The following MVP variants were observed in gnomAD, a reference collection of about 807,000 sequenced individuals.
The protein encoded by MVP is lung resistance-related protein.
MVP carries 62 observed loss-of-function variants against 83.5 expected under a neutral mutation model. The ratio of observed to expected loss-of-function variants is 0.74; its 90% CI spans 0.61 to 0.92. MVP has a LOEUF of 0.92. Ranked by LOEUF, MVP falls within the 40% of genes least tolerant of loss-of-function variation. The pLI is 0.00. For missense variants in MVP, 1,000 were observed against 1,203.4 expected (o/e 0.83, Z 2.50); for synonymous variants, 505 against 504.1 (o/e 1.00, Z -0.02).
intron 7 of MVP, among the ~76,000 whole-genome samples, chr16:29,837,741 G>A (rs192046184): frequency 1.3e-5 from 2 of 151,704 alleles, no homozygotes; most frequent in East Asian, 3.9e-4. Flanking sequence ...GCGATAGAGT[G>A]AGACTCTCAG....
intron 6 of MVP, among the ~76,000 whole-genome samples, chr16:29,836,002 A>G (rs936809581): frequency 2.0e-5 from 3 of 152,128 alleles, no homozygotes; most frequent in Middle Eastern, 6.3e-3. Flanking sequence ...GCAATGACTC[A>G]CATCTGTAAT....
chr16:29,833,657 C>T (rs2067462246), intron 3 of MVP, 76 bp from the exon 4 acceptor site: 1 of 1,590,822 alleles, frequency 6.3e-7, no homozygotes, highest in Non-Finnish European at 8.6e-7. Flanking sequence ...TGTTGTGGAC[C>T]CGCCTCCAGA....
At chr16:29,835,072 C>T (rs2067475245) in intron 5 of MVP, 2 of 152,024 alleles carry the variant, frequency 1.3e-5, no homozygotes, top group South Asian at 2.1e-4. Flanking sequence ...GGGGTGTGGC[C>T]AGGCAGGGCG....
At chr16:29,822,752 C>T (rs1373350623) in intron 1 of MVP, 1 of 152,256 alleles carries the variant, frequency 6.6e-6, no homozygotes, top group Non-Finnish European at 1.5e-5. Flanking sequence ...GAGTCTCGCT[C>T]TGTCCCCCAG....
intron 3 of MVP, among the ~76,000 whole-genome samples, chr16:29,833,011 G>C (rs1197734369): frequency 6.6e-6 from 1 of 151,738 alleles, no homozygotes; most frequent in Non-Finnish European, 1.5e-5. Flanking sequence ...ATTGCAGTGA[G>C]CTGAGATTGC....
In MVP at chr16:29,840,342, C is replaced by T. The variant is rs751975905; in HGVS notation, c.1074C>T (p.Leu358=). Residue 358 remains leucine (L), a synonymous_variant, in exon 8 of 15, where the codon CTC becomes CTT. Coordinates refer to ENST00000357402, the MANE Select transcript of MVP (RefSeq NM_005115.5). ...KVSHQAGDHW[L]IRGPLEYVPS... ...CACACCAGGCTGGGGACCACTGGCT[C>T]ATCCGCGGACCCCTGGAGTATGTGC... 20 of 1,609,592 alleles carry T rather than the reference C, an allele frequency of 1.2e-5. No individual in the cohort carries two copies. In the East Asian group the frequency reaches 4.2e-4, roughly 34 times the overall value.
intron 3 of MVP, among the ~76,000 whole-genome samples, chr16:29,832,163 G>A (rs945195165): frequency 6.6e-6 from 1 of 152,160 alleles, no homozygotes; most frequent in South Asian, 2.1e-4. Flanking sequence ...GGAACTTTTA[G>A]AGACATTCAT....
At chr16:29,838,855 G>A (rs903451003) in intron 7 of MVP, among the ~76,000 whole-genome samples, 5 of 152,004 alleles carry the variant, frequency 3.3e-5, no homozygotes, top group South Asian at 2.1e-4. Context: ...AATGACATAC[G>A]TGCTACAACA....
At chr16:29,835,502 A>T (rs1474705930) in intron 5 of MVP, 1 of 342,258 alleles carries the variant, frequency 2.9e-6, no homozygotes, top group Non-Finnish European at 5.4e-6. Context: ...AAAAAAAAAA[A>T]AAACTTTTAA....
intron 14 of MVP, 129 bp from the exon 15 acceptor site, chr16:29,847,633 C>A: frequency 1.9e-6 from 2 of 1,039,126 alleles, no homozygotes; most frequent in African/African-American, 1.6e-5. Context: ...CAGGCATTTC[C>A]AAGGCAGTCA....
At chr16:29,847,605 G>A (rs1200140862) in intron 14 of MVP, among the ~76,000 whole-genome samples, 157 bp from the exon 15 acceptor site, 2 of 152,176 alleles carry the variant, frequency 1.3e-5, no homozygotes, top group African/African-American at 2.4e-5. Flanking sequence ...ACAGGAAATG[G>A]ATGGGACGCC....
At chr16:29,833,467 ACT>A (rs2067460472) in intron 3 of MVP, 1 of 272,266 alleles carries the variant, frequency 3.7e-6, no homozygotes, top group Non-Finnish European at 6.4e-6. Flanking sequence ...GCCTGGCTAC[ACT>A]TTTTTTTTTT....
At chr16:29,829,771 G>A (rs989315852) in intron 1 of MVP, 1 of 152,258 alleles carries the variant, frequency 6.6e-6, no homozygotes, top group African/African-American at 2.4e-5. Context: ...GGGGACGAGG[G>A]GGCCAGAGTG....
At chr16:29,846,057 G>GGT (rs1170610000) in intron 12 of MVP, 78 bp downstream of exon 12, 2 of 1,609,972 alleles carry the variant, frequency 1.2e-6, no homozygotes, top group African/African-American at 1.3e-5. Context: ...AGCAGGCCTG[G>GGT]GTGGGGTGTC....
chr16:29,834,124 G>A (rs2067467094), intron 5 of MVP, 58 bp downstream of exon 5: 1 of 1,582,414 alleles, frequency 6.3e-7, no homozygotes, highest in Middle Eastern at 1.7e-4. Flanking sequence ...CACTGCAGGG[G>A]AAGCAGGGGA....
intron 1 of MVP, among the ~76,000 whole-genome samples, chr16:29,825,229 CTG>C (rs1346738473): frequency 6.6e-6 from 1 of 152,178 alleles, no homozygotes; most frequent in Non-Finnish European, 1.5e-5. Context: ...GGCCTCTACA[CTG>C]AGAGCCGACT....
At chr16:29,833,519 G>GGCT in intron 3 of MVP, 1 of 427,482 alleles carries the variant, frequency 2.3e-6, no homozygotes, top group Non-Finnish European at 4.2e-6. Context: ...ATGTTGCCCA[G>GGCT]GCTGGTTCTT....
intron 13 of MVP, 39 bp from the exon 14 acceptor site, chr16:29,847,158 G>T: frequency 6.2e-7 from 1 of 1,601,372 alleles, no homozygotes; most frequent in East Asian, 2.2e-5. Flanking sequence ...TTCCAGCCTG[G>T]GTCAAAAAAT....
At chr16:29,823,122 C>CTTTTT (rs66512916) in intron 1 of MVP, among the ~76,000 whole-genome samples, 854 of 98,426 alleles carry the variant, frequency 8.7e-3, no homozygotes, top group East Asian at 0.018. Context: ...CTTTTCTTTT[C>CTTTTT]TTTTTTTTTT....
Sources: gnomAD v4.1 joint callset for allele counts (sites outside exome capture counted in the v4.1 genomes callset) on GRCh38, gnomAD v4.1.1 for gene constraint, MANE v1.5 for transcripts, NCBI Gene and HGNC (gene_info 2026-07-23, HGNC 2026-07-21) for gene names.